Variants in SEMA6D observed in about 807,000 individuals in gnomAD.
SEMA6D encodes semaphorin-6D.
SEMA6D carries 35 observed loss-of-function variants against 106.6 expected under a neutral mutation model. The ratio of observed to expected loss-of-function variants is 0.33; its 90% confidence interval spans 0.25 to 0.44. The LOEUF (loss-of-function observed/expected upper bound fraction) is 0.44. SEMA6D is among the 20% of genes least tolerant of loss of function. SEMA6D has a pLI of 1.00. For missense variants in SEMA6D, 1,185 were observed against 1,345.9 expected, an observed-to-expected ratio of 0.88 and a Z score of 1.87; for synonymous variants, 499 against 487.7, an observed-to-expected ratio of 1.02 and a Z score of -0.31.
In SEMA6D at chr15:47,688,404, A is replaced by G. The variant is rs114629322; in HGVS notation, c.-54-71341A>G. On this transcript the variant is annotated intron_variant, in intron 4 of 19. Coordinates refer to the SEMA6D transcript ENST00000558014. ...AGCATGAATGTTCAATCTAAATACA[A>G]GAAAATTCTTCAAATATTAAAAGGA... 3.7e-3 allele frequency among the ~76,000 whole-genome samples: 563 copies of G among 152,336 alleles called. 5 individuals are homozygous for G. Among genetic ancestry groups the G allele is most frequent in the African/African-American group, 0.013 (549 of 41,584 alleles).
At chr15:47,299,474 C>T (rs2035934424) in intron 1 of SEMA6D, among the ~76,000 whole-genome samples, 1 of 152,134 alleles carries the variant, frequency 6.6e-6, no homozygotes, top group African/African-American at 2.4e-5. Context: ...TTACCTTTGG[C>T]AGGGAAAGTA....
At chr15:47,705,086 T>C (rs1383972200) in intron 4 of SEMA6D, among the ~76,000 whole-genome samples, 1 of 152,180 alleles carries the variant, frequency 6.6e-6, no homozygotes, top group African/African-American at 2.4e-5. Flanking sequence ...GGGATAAATA[T>C]AAGGCCCACA....
At chr15:47,205,718 T>C (rs1019500423) in intron 1 of SEMA6D, among the ~76,000 whole-genome samples, 2 of 152,118 alleles carry the variant, frequency 1.3e-5, no homozygotes, top group African/African-American at 4.8e-5. Context: ...AACATTCGAA[T>C]AGACCATAAT....
intron 1 of SEMA6D, among the ~76,000 whole-genome samples, chr15:47,243,729 A>G (rs2033051968): frequency 6.6e-6 from 1 of 152,112 alleles, no homozygotes; most frequent in Admixed American, 6.6e-5. Context: ...TTTAAGCTCT[A>G]GCAACTGGTG....
chr15:47,767,180 A>G, intron 17 of SEMA6D, 87 bp downstream of exon 17: 1 of 832,564 alleles, frequency 1.2e-6, no homozygotes. Context: ...CCTTTTGCGC[A>G]GTTTGGCAGC....
intron 1 of SEMA6D, among the ~76,000 whole-genome samples, chr15:47,243,639 G>A (rs1466741884): frequency 6.6e-6 from 1 of 152,116 alleles, no homozygotes; most frequent in Non-Finnish European, 1.5e-5. Flanking sequence ...TGTTTTTACT[G>A]CTCTGTGTAC....
At chr15:47,582,760 C>G (rs2076276505) in intron 3 of SEMA6D, among the ~76,000 whole-genome samples, 1 of 152,148 alleles carries the variant, frequency 6.6e-6, no homozygotes, top group Admixed American at 6.5e-5. Flanking sequence ...CAATCCCACC[C>G]CACCCTCAGC....
Position 47,765,755 on chromosome 15 carries a change from GC to G in SEMA6D, c.1428-112del. On this transcript the variant is annotated intron_variant, in intron 13 of 18. Coordinates refer to ENST00000536845, the MANE Select transcript of SEMA6D (RefSeq NM_001358351.3). ...TTATTATTTCCCAAGCTATGTACTT[GC>G]CTGGTTTGTTACCAAGAATATTCCT... 3 of 994,940 alleles carry G rather than the reference GC, an allele frequency of 3.0e-6. No individual in the cohort carries two copies. The East Asian group carries it at 8.5e-5, about 28-fold the overall frequency. The allele number at this position is 994,940 out of a possible 1,614,324, so 61.6% of individuals were successfully genotyped here. A position where few individuals can be genotyped will look rare whatever the true frequency, so the allele number is the denominator to read the frequency against.
intron 1 of SEMA6D, among the ~76,000 whole-genome samples, chr15:47,300,995 T>A (rs2035996885): frequency 6.6e-6 from 1 of 152,242 alleles, no homozygotes; most frequent in South Asian, 2.1e-4. Flanking sequence ...ACTCACTTGC[T>A]TCCTCCATGG....
chr15:47,286,454 A>G (rs1009872672), intron 1 of SEMA6D, among the ~76,000 whole-genome samples: 1 of 152,170 alleles, frequency 6.6e-6, no homozygotes, highest in Non-Finnish European at 1.5e-5. Flanking sequence ...TAATATAAAC[A>G]TATGTAATGT....
At position 47,474,273 on chromosome 15, in the gene SEMA6D, A is replaced by G. The variant is rs201832736; in HGVS notation, c.-87+3728A>G. Among the ~76,000 whole-genome samples the G allele has an allele frequency of 5.6e-3, 849 of 152,330 alleles. 6 individuals carry two copies. The highest frequency in any genetic ancestry group is 0.015 in the Admixed American group (228 of 15,302). The stretch of plus-strand genomic sequence containing the variant: ...AGGAAGACAGACCCTCCCTGTCACA[A>G]TTGGAGTCAGAATATCTTAGCCAGA... On this transcript the variant is annotated intron_variant, in intron 3 of 19. Transcript: ENST00000558014.
chr15:47,639,553 T>C (rs1470344792), intron 4 of SEMA6D, among the ~76,000 whole-genome samples: 1 of 152,120 alleles, frequency 6.6e-6, no homozygotes. Flanking sequence ...GTGACTTCCT[T>C]CCAAGGACTG....
intron 3 of SEMA6D, 60 bp downstream of exon 3, chr15:47,760,475 T>C (rs2082000386): frequency 7.8e-7 from 1 of 1,278,738 alleles, no homozygotes; most frequent in African/African-American, 1.5e-5. Context: ...GTGCTTGCAT[T>C]AGTGTGTCTA....
chr15:47,213,248 T>C (rs570423000), intron 1 of SEMA6D, among the ~76,000 whole-genome samples: 1 of 152,338 alleles, frequency 6.6e-6, no homozygotes, highest in East Asian at 1.9e-4. Context: ...CTTCCATCAC[T>C]GCATGAAGTT....
At chr15:47,682,686 C>A (rs2078383054) in intron 4 of SEMA6D, among the ~76,000 whole-genome samples, 1 of 152,160 alleles carries the variant, frequency 6.6e-6, no homozygotes, top group South Asian at 2.1e-4. Flanking sequence ...GAGTAAAAGA[C>A]CAATTAAACT....
chr15:47,212,242 T>G (rs1327143924), intron 1 of SEMA6D, among the ~76,000 whole-genome samples: 2 of 152,208 alleles, frequency 1.3e-5, no homozygotes, highest in Non-Finnish European at 2.9e-5. Flanking sequence ...AAAATTGAAA[T>G]GATGACTTAT....
intron 3 of SEMA6D, among the ~76,000 whole-genome samples, chr15:47,562,353 G>A (rs1032671777): frequency 6.6e-6 from 1 of 151,946 alleles, no homozygotes; most frequent in African/African-American, 2.4e-5. Context: ...AAAATTCTAG[G>A]AGAAAACTTA....
At chr15:47,589,074 G>A (rs1258054543) in intron 3 of SEMA6D, among the ~76,000 whole-genome samples, 1 of 152,184 alleles carries the variant, frequency 6.6e-6, no homozygotes, top group African/African-American at 2.4e-5. Flanking sequence ...TGAATGAAAG[G>A]TGTTTCATGT....
At chr15:47,363,009 T>A (rs2038869655) in intron 1 of SEMA6D, among the ~76,000 whole-genome samples, 1 of 152,070 alleles carries the variant, frequency 6.6e-6, no homozygotes, top group Non-Finnish European at 1.5e-5. Flanking sequence ...GCTGGTCAAG[T>A]TTAATTAGAA....
Sources: gnomAD v4.1 joint callset for allele counts (sites outside exome capture counted in the v4.1 genomes callset) on GRCh38, gnomAD v4.1.1 for gene constraint, MANE v1.5 for transcripts, NCBI Gene and HGNC (gene_info 2026-07-23, HGNC 2026-07-21) for gene names.